RALGPS1: variants seen among roughly 807,000 people sequenced by gnomAD.
The protein encoded by RALGPS1 is Ral GEF with PH domain and SH3 binding motif 1.
RALGPS1 carries 19 observed loss-of-function variants against 78.8 expected under a neutral mutation model. The observed-to-expected ratio is 0.24, with a 90% CI of 0.17 to 0.35. The LOEUF is 0.35. Ranked by LOEUF, RALGPS1 falls within the 10% of genes least tolerant of loss-of-function variation. The pLI is 1.00. For missense variants in RALGPS1, 454 were observed against 688.3 expected, an observed-to-expected ratio of 0.66 and a Z score of 3.81; for synonymous variants, 228 against 256.3, an observed-to-expected ratio of 0.89 and a Z score of 1.06.
chr9:127,108,605 T>C, intron 8 of RALGPS1: 1 of 1,613,638 alleles, frequency 6.2e-7, no homozygotes, highest in South Asian at 1.1e-5. Flanking sequence ...CGCTTGTACC[T>C]GTTTAGGTAA....
chr9:127,007,533 T>C lies in RALGPS1; in HGVS notation c.217-26898T>C, dbSNP rs117409213. On this transcript the variant is annotated intron_variant, in intron 4 of 18. Coordinates refer to ENST00000259351, the MANE Select transcript of RALGPS1 (RefSeq NM_014636.3). The stretch of plus-strand genomic sequence containing the variant: ...AAGGAGCATCCAGCTTTGTCTGGTG[T>C]ATGGTGGGGGGCTCAGGAAAGCTTG... Among the ~76,000 whole-genome samples the C allele has an allele frequency of 5.6e-3, 857 of 152,168 alleles. 28 individuals carry two copies. The East Asian group carries it at 0.081, about 14-fold the overall frequency.
chr9:127,051,211 T>C (rs903544418), intron 6 of RALGPS1, among the ~76,000 whole-genome samples: 9 of 152,368 alleles, frequency 5.9e-5, no homozygotes, highest in South Asian at 2.1e-4. Flanking sequence ...TTGCTGTCAA[T>C]CAGTTCTGTT....
At chr9:127,051,505 AAAG>A (rs2048304515) in intron 6 of RALGPS1, among the ~76,000 whole-genome samples, 1 of 152,230 alleles carries the variant, frequency 6.6e-6, no homozygotes, top group Admixed American at 6.5e-5. Flanking sequence ...TCAGCTCTAA[AAAG>A]AAGTTCTGTG....
intron 8 of RALGPS1, among the ~76,000 whole-genome samples, chr9:127,125,851 A>G (rs1016010131): frequency 6.6e-6 from 1 of 152,258 alleles, no homozygotes; most frequent in African/African-American, 2.4e-5. Flanking sequence ...CGTGACATTT[A>G]CATGGTGGTA....
chr9:127,141,227 G>A (rs560588976), intron 8 of RALGPS1, among the ~76,000 whole-genome samples: 12 of 152,284 alleles, frequency 7.9e-5, no homozygotes, highest in Non-Finnish European at 1.5e-4. Flanking sequence ...GTGGGTGTTC[G>A]TGAGATTGGG....
At chr9:127,098,139 G>T (rs555240749) in intron 8 of RALGPS1, among the ~76,000 whole-genome samples, 1 of 152,332 alleles carries the variant, frequency 6.6e-6, no homozygotes, top group South Asian at 2.1e-4. Context: ...ATATTTACCA[G>T]TAGATGTTTT....
chr9:126,940,676 C>T (rs983943629), intron 1 of RALGPS1, among the ~76,000 whole-genome samples: 1 of 152,170 alleles, frequency 6.6e-6, no homozygotes, highest in South Asian at 2.1e-4. Context: ...CTCCTGACCT[C>T]GTGATCCGTC....
At chr9:127,079,614 C>T (rs2050992045) in intron 8 of RALGPS1, 1 of 152,192 alleles carries the variant, frequency 6.6e-6, no homozygotes, top group South Asian at 2.1e-4. Flanking sequence ...TCCAGCTGCT[C>T]TGTGTTTGGC....
At position 127,054,962 on chromosome 9, in the gene RALGPS1, A is replaced by G. The variant is rs1367785930; in HGVS notation, c.483+2023A>G. Among the ~76,000 whole-genome samples the G allele has an allele frequency of 2.6e-5, 4 of 151,608 alleles. No homozygotes were observed. The East Asian group carries it at 7.8e-4, about 30-fold the overall frequency. On this transcript the variant is annotated intron_variant, in intron 7 of 18. Coordinates refer to ENST00000259351, the MANE Select transcript of RALGPS1 (RefSeq NM_014636.3). ...CACTGCCCTCCAGGTTGGGTGACAA[A>G]GACCCCATCTCTGAAAAAGAGAGAG...
intron 4 of RALGPS1, among the ~76,000 whole-genome samples, chr9:127,004,949 C>T (rs984788699): frequency 6.6e-6 from 1 of 152,154 alleles, no homozygotes. Context: ...TTGGAAGACC[C>T]TTCAAAATTG....
intron 8 of RALGPS1, among the ~76,000 whole-genome samples, chr9:127,074,669 G>T (rs934073858): frequency 1.3e-5 from 2 of 152,252 alleles, no homozygotes; most frequent in Non-Finnish European, 2.9e-5. Context: ...CTAGCACTTT[G>T]CTAGGCATTT....
intron 8 of RALGPS1, among the ~76,000 whole-genome samples, chr9:127,071,039 C>CTCTATATA (rs1554816818): frequency 6.8e-6 from 1 of 147,314 alleles, no homozygotes; most frequent in African/African-American, 2.5e-5. Context: ...CTCTCTCTCT[C>CTCTATATA]TATATATATA....
At chr9:126,990,565 T>G (rs1032631640) in intron 4 of RALGPS1, among the ~76,000 whole-genome samples, 3 of 152,302 alleles carry the variant, frequency 2.0e-5, no homozygotes, top group Non-Finnish European at 2.9e-5. Context: ...TCCCTGGTGT[T>G]CACTCCTGTC....
chr9:126,917,027 G>A (rs2034241155), intron 1 of RALGPS1, among the ~76,000 whole-genome samples: 1 of 152,168 alleles, frequency 6.6e-6, no homozygotes, highest in South Asian at 2.1e-4. Context: ...GGTAGGTGGA[G>A]CCTTCTCTAC....
At chr9:127,079,295 A>G (rs1360917414) in intron 8 of RALGPS1, among the ~76,000 whole-genome samples, 2 of 152,178 alleles carry the variant, frequency 1.3e-5, no homozygotes, top group Non-Finnish European at 2.9e-5. Context: ...GCTGGCCCTA[A>G]TAAAGAAAAG....
chr9:126,937,093 G>T (rs964924479), intron 1 of RALGPS1, among the ~76,000 whole-genome samples: 3 of 151,978 alleles, frequency 2.0e-5, no homozygotes, highest in African/African-American at 7.3e-5. Flanking sequence ...CAGGTGATCC[G>T]CCCACCTTGG....
At chr9:126,931,200 A>T (rs1403174977) in intron 1 of RALGPS1, among the ~76,000 whole-genome samples, 1 of 152,126 alleles carries the variant, frequency 6.6e-6, no homozygotes, top group Non-Finnish European at 1.5e-5. Flanking sequence ...CTTACATCTC[A>T]GTCATTTAAT....
At chr9:127,142,888 T>C (rs1186311026) in intron 8 of RALGPS1, among the ~76,000 whole-genome samples, 1 of 152,236 alleles carries the variant, frequency 6.6e-6, no homozygotes, top group African/African-American at 2.4e-5. Context: ...TAACAATTAT[T>C]AGAAGAAAGT....
At position 127,123,966 on chromosome 9, in the gene RALGPS1, G is replaced by A. The variant is rs1167606700; in HGVS notation, c.611-42103G>A. Reference sequence around the variant, plus strand: ...TGTTAGTGATGATGGTGGTGATGATGTTTGGGAACAAATTGGGAGAAAAAC... The same window carrying A: ...TGTTAGTGATGATGGTGGTGATGATATTTGGGAACAAATTGGGAGAAAAAC... On this transcript the variant is annotated intron_variant, in intron 8 of 18. Coordinates refer to ENST00000259351, the MANE Select transcript of RALGPS1 (RefSeq NM_014636.3). Among the ~76,000 whole-genome samples, 5 of 152,180 alleles carry A rather than the reference G, an allele frequency of 3.3e-5. No individual in the cohort carries two copies. In the East Asian group the frequency reaches 9.6e-4, roughly 29 times the overall value.
Sources: gnomAD v4.1 joint callset for allele counts (sites outside exome capture counted in the v4.1 genomes callset) on GRCh38, gnomAD v4.1.1 for gene constraint, MANE v1.5 for transcripts, NCBI Gene and HGNC (gene_info 2026-07-23, HGNC 2026-07-21) for gene names.